Variants in ANXA8 observed in about 807,000 individuals in gnomAD.
ANXA8 encodes the protein VAC-beta.
In ANXA8, 9 loss-of-function variants were observed where a neutral mutation model predicts 26.8. The observed-to-expected ratio is 0.34, with a 90% CI of 0.20 to 0.59. ANXA8 has a LOEUF of 0.59. ANXA8 is among the 20% of genes least tolerant of loss of function. ANXA8 has a pLI of 0.84. For missense variants in ANXA8, 83 were observed against 238.5 expected (o/e 0.35, Z 4.29); for synonymous variants, 39 against 94.8 (o/e 0.41, Z 3.42).
chr10:47,943,006 ACTC>A, the ANXA8 span, among the ~76,000 whole-genome samples: 1 of 134,324 alleles, frequency 7.4e-6, no homozygotes, highest in Non-Finnish European at 1.6e-5. Flanking sequence ...ACCTGGAAAA[ACTC>A]CTCAGTGGGT....
At chr10:47,489,188 T>G in the ANXA8 span, among the ~76,000 whole-genome samples, 2 of 142,534 alleles carry the variant, frequency 1.4e-5, no homozygotes, top group Non-Finnish European at 3.0e-5. Flanking sequence ...CGGCTAATTT[T>G]TATGTATTTT....
the ANXA8 span, among the ~76,000 whole-genome samples, chr10:47,743,851 G>T: frequency 7.5e-5 from 11 of 145,882 alleles, no homozygotes; most frequent in Admixed American, 3.4e-4. Context: ...ACCGCCGTCT[G>T]CAGGCTCCGT....
chr10:47,697,091 G>T, the ANXA8 span, among the ~76,000 whole-genome samples: 1 of 151,640 alleles, frequency 6.6e-6, no homozygotes, highest in Non-Finnish European at 1.5e-5. Flanking sequence ...TCCTCCACTA[G>T]GAAATAAAAT....
At chr10:47,572,607 C>T in the ANXA8 span, among the ~76,000 whole-genome samples, 2 of 149,952 alleles carry the variant, frequency 1.3e-5, no homozygotes, top group African/African-American at 2.5e-5. Context: ...ATCCCAGCTA[C>T]TCAGGAGGCT....
chr10:47,988,985 AG>A, the ANXA8 span, among the ~76,000 whole-genome samples: 1 of 151,268 alleles, frequency 6.6e-6, no homozygotes, highest in Non-Finnish European at 1.5e-5. Context: ...TAGCACTTCA[AG>A]CCCCTTGTGT....
At chr10:47,698,255 A>ATAT in the ANXA8 span, among the ~76,000 whole-genome samples, 2 of 141,990 alleles carry the variant, frequency 1.4e-5, no homozygotes, top group Admixed American at 1.4e-4. Flanking sequence ...AACTGGAAAC[A>ATAT]AAGTTCAGGA....
At chr10:47,567,044 C>T in the ANXA8 span, among the ~76,000 whole-genome samples, 1 of 145,384 alleles carries the variant, frequency 6.9e-6, no homozygotes, top group Non-Finnish European at 1.5e-5. Context: ...AGCAAGGCCC[C>T]AGGCAGGACT....
At chr10:47,931,438 AT>A in the ANXA8 span, among the ~76,000 whole-genome samples, 15 of 68,298 alleles carry the variant, frequency 2.2e-4, no homozygotes, top group African/African-American at 9.1e-4. Flanking sequence ...CTGGCAGCTG[AT>A]TACTCGGTAT....
At chr10:47,489,443 G>A in the ANXA8 span, 3 of 655,088 alleles carry the variant, frequency 4.6e-6, no homozygotes, top group African/African-American at 3.5e-5. Context: ...GATGAGCATA[G>A]ATAACTGCCC....
At chr10:47,546,396 ATTTTTTTT>A in the ANXA8 span, among the ~76,000 whole-genome samples, 8 of 59,552 alleles carry the variant, frequency 1.3e-4, no homozygotes, top group Admixed American at 4.7e-4. Flanking sequence ...GATAAGACCA[ATTTTTTTT>A]TTTTTTTTTT....
the ANXA8 span, among the ~76,000 whole-genome samples, chr10:47,746,350 C>T: frequency 1.6e-5 from 1 of 60,628 alleles, no homozygotes; most frequent in Non-Finnish European, 3.8e-5. Context: ...AGTAGCCGGG[C>T]GTGGTGGCAC....
At chr10:47,504,845 TC>T in the ANXA8 span, among the ~76,000 whole-genome samples, 28 of 125,122 alleles carry the variant, frequency 2.2e-4, no homozygotes, top group Admixed American at 1.6e-3. Flanking sequence ...TCATAACTGT[TC>T]TTTTTTTTTT....
chr10:47,941,966 G>C, the ANXA8 span, among the ~76,000 whole-genome samples: 1 of 147,768 alleles, frequency 6.8e-6, no homozygotes, highest in African/African-American at 2.6e-5. Context: ...CCAGCAATCA[G>C]AGAAGGCTTG....
At chr10:47,772,500 T>C in the ANXA8 span, among the ~76,000 whole-genome samples, 6 of 152,286 alleles carry the variant, frequency 3.9e-5, no homozygotes, top group South Asian at 1.2e-3. Flanking sequence ...AGTGTGTATC[T>C]GACCTTTTCA....
At chr10:47,589,024 G>A in the ANXA8 span, 35 of 145,356 alleles carry the variant, frequency 2.4e-4, 4 homozygotes, top group African/African-American at 9.1e-4. Flanking sequence ...ATGGTGCCCA[G>A]GTTGGTCTTG....
At chr10:47,936,803 C>T in the ANXA8 span, among the ~76,000 whole-genome samples, 70 of 151,956 alleles carry the variant, frequency 4.6e-4, no homozygotes, top group African/African-American at 1.6e-3. Flanking sequence ...CGGCTAGGTC[C>T]CAGTGCGCTG....
At chr10:47,485,925 G>A (rs1490411728), upstream of ANXA8, among the ~76,000 whole-genome samples, 2 of 151,790 alleles carry the variant, frequency 1.3e-5, no homozygotes, top group African/African-American at 4.9e-5. Context: ...TGGCTAACAT[G>A]GTGAAACCCC....
chr10:47,554,061 C>T, the ANXA8 span, among the ~76,000 whole-genome samples: 5,854 of 148,430 alleles, frequency 0.039, 97 homozygotes, highest in African/African-American at 0.068. Context: ...TGCTTGAGCC[C>T]AGGAGTTCAA....
the ANXA8 span, among the ~76,000 whole-genome samples, chr10:47,526,487 T>G: frequency 1.5e-5 from 2 of 133,170 alleles, no homozygotes; most frequent in African/African-American, 3.3e-5. Context: ...AGGCACTGTA[T>G]GTGTGAAATA....
Sources: allele counts gnomAD v4.1 joint callset (sites outside exome capture counted in the v4.1 genomes callset), GRCh38; gene constraint gnomAD v4.1.1; transcripts MANE v1.5; gene names NCBI Gene and HGNC (gene_info 2026-07-23, HGNC 2026-07-21).